The following ZSCAN32 variants were observed in gnomAD, a reference collection of about 807,000 sequenced individuals.
The protein encoded by ZSCAN32 is zinc finger and SCAN domain-containing protein 32.
Under a neutral mutation model 47.4 loss-of-function variants are expected in ZSCAN32, and 52 were observed. That is an observed-to-expected ratio of 1.10 (90% CI 0.88 to 1.38). ZSCAN32 has a LOEUF of 1.38. Ranked by LOEUF, ZSCAN32 falls within the 40% of genes most tolerant of loss-of-function variation. The pLI, the probability that ZSCAN32 is intolerant of heterozygous loss-of-function variation, is 0.00. For missense variants in ZSCAN32, 959 were observed against 846.0 expected (o/e 1.13, Z -1.66); for synonymous variants, 346 against 305.7 (o/e 1.13, Z -1.38).
chr16:3,390,085 A>C lies in ZSCAN32; in HGVS notation c.676T>G (p.Trp226Gly). ...CTTTGTGCAGGGCCTGGGCACATCCATTCTTGCTGACAGAGGGATACAGCT... is the reference window on the plus strand; with the variant it reads ...CTTTGTGCAGGGCCTGGGCACATCCCTTCTTGCTGACAGAGGGATACAGCT... ...NRAVSLCQQE[W>G]MCPGPAQRAL... The change falls in exon 5 of 7, where the codon TGG (tryptophan) becomes GGG (glycine). Residue 226 changes from tryptophan (W) to glycine (G), a missense_variant. Transcript: ENST00000396852. 1.2e-6 allele frequency: 2 copies of C among 1,613,946 alleles called. No individual in the cohort carries two copies. Among genetic ancestry groups the C allele is most frequent in the Non-Finnish European group, 1.7e-6 (2 of 1,179,948 alleles).
chr16:3,395,414 CCT>C (rs1471066327), intron 2 of ZSCAN32, among the ~76,000 whole-genome samples: 3 of 152,150 alleles, frequency 2.0e-5, no homozygotes, highest in Non-Finnish European at 2.9e-5. Context: ...GGGGCAGTTT[CCT>C]CCATGCTACT....
rs766999225 is a variant in ZSCAN32 at position 3,384,679 on chromosome 16, AAG to A, written c.1012_1013del (p.Leu338PhefsTer22). 11 of 1,614,202 alleles carry A rather than the reference AAG, an allele frequency of 6.8e-6. No homozygotes were observed. Among genetic ancestry groups the A allele is most frequent in the East Asian group, 2.2e-5 (1 of 44,886 alleles). The stretch of plus-strand genomic sequence containing the variant: ...GAGGTGCAGAGGCCCAGGAGCCTGA[AAG>A]AGCATTCATTTCCTCATAAAAGATA... ...PCIFYEEMNA[L>X]SGSWASAPPM... On this transcript the variant is annotated frameshift_variant, in exon 6 of 7. Transcript: ENST00000396852. LOFTEE classifies it high-confidence loss of function.
intron 1 of ZSCAN32, among the ~76,000 whole-genome samples, chr16:3,400,072 G>A (rs926280182): frequency 1.3e-5 from 2 of 152,148 alleles, no homozygotes; most frequent in African/African-American, 4.8e-5. Flanking sequence ...CTACTGAGCT[G>A]TACACTTAAA....
intron 2 of ZSCAN32, among the ~76,000 whole-genome samples, chr16:3,395,048 A>T (rs2033237456): frequency 6.6e-6 from 1 of 152,168 alleles, no homozygotes; most frequent in Admixed American, 6.5e-5. Flanking sequence ...TCCCCCATGG[A>T]CCGCGGGCTC....
At chr16:3,392,947 G>T (rs1225875374) in intron 3 of ZSCAN32, among the ~76,000 whole-genome samples, 1 of 150,922 alleles carries the variant, frequency 6.6e-6, no homozygotes, top group African/African-American at 2.4e-5. Context: ...AAGTTGGATG[G>T]GGAAGGGGAT....
At chr16:3,396,791 T>C (rs2033405342) in intron 2 of ZSCAN32, among the ~76,000 whole-genome samples, 1 of 152,310 alleles carries the variant, frequency 6.6e-6, no homozygotes, top group Admixed American at 6.5e-5. Context: ...CTGGCTCTAA[T>C]ATAATTTTGT....
chr16:3,400,561 T>G (rs577972054), intron 1 of ZSCAN32, among the ~76,000 whole-genome samples: 1 of 152,302 alleles, frequency 6.6e-6, no homozygotes, highest in East Asian at 1.9e-4. Flanking sequence ...GAAAAAAATG[T>G]AGCATGAGGA....
At chr16:3,386,921 CCT>C in intron 5 of ZSCAN32, among the ~76,000 whole-genome samples, 1 of 136,236 alleles carries the variant, frequency 7.3e-6, no homozygotes, top group East Asian at 2.2e-4. Flanking sequence ...TGCACATGTA[CCT>C]TAAAGCTTAA....
chr16:3,383,249 G>A lies in ZSCAN32; in HGVS notation c.1697C>T (p.Ala566Val). 2.5e-6 allele frequency: 4 copies of A among 1,614,082 alleles called. No homozygotes were observed. The highest frequency in any genetic ancestry group is 3.4e-6 in the Non-Finnish European group (4 of 1,179,954). The change falls in exon 7 of 7, where the codon GCC becomes GTC. Residue 566 changes from alanine to valine, a missense_variant. By Grantham distance (64) the Ala-to-Val change is moderately conservative. Transcript: ENST00000396852. ...KGFSERSNLT[A>V]HLRTHTGERP... ...CTCCCCTGTGTGAGTTCGTAGGTGG[G>A]CAGTGAGGTTGGAGCGCTCACTAAA...
Position 3,390,519 on chromosome 16 carries a change from T to A in ZSCAN32, c.533-2A>T. 1 of 1,548,298 alleles carries A rather than the reference T, an allele frequency of 6.5e-7. No homozygotes were observed. The highest frequency in any genetic ancestry group is 8.7e-7 in the Non-Finnish European group (1 of 1,146,720). ...TGGGAGCCTGAGGAGCAAGCCAGGCTGGGGGAAAAAACAGCCGCTATTAGA... is the reference window on the plus strand; with the variant it reads ...TGGGAGCCTGAGGAGCAAGCCAGGCAGGGGGAAAAAACAGCCGCTATTAGA... On this transcript the variant is annotated splice_acceptor_variant, in intron 3 of 6. Transcript: ENST00000396852. LOFTEE classifies it high-confidence loss of function.
intron 3 of ZSCAN32, among the ~76,000 whole-genome samples, chr16:3,391,205 C>T (rs1174448684): frequency 1.3e-5 from 2 of 152,138 alleles, no homozygotes; most frequent in Non-Finnish European, 1.5e-5. Flanking sequence ...CTGGGAAGAG[C>T]GGGAGCCTAG....
At chr16:3,391,168 C>T (rs1324665465) in intron 3 of ZSCAN32, among the ~76,000 whole-genome samples, 1 of 152,182 alleles carries the variant, frequency 6.6e-6, no homozygotes, top group Non-Finnish European at 1.5e-5. Context: ...GGTGACAACA[C>T]TCCAGATCTG....
intron 1 of ZSCAN32, among the ~76,000 whole-genome samples, chr16:3,399,755 A>C (rs1345126832): frequency 6.6e-6 from 1 of 151,088 alleles, no homozygotes; most frequent in African/African-American, 2.4e-5. Flanking sequence ...CTTAAAAATA[A>C]TTTTAAATAG....
chr16:3,397,094 G>C (rs1218688512), intron 2 of ZSCAN32, 98 bp downstream of exon 2: 1 of 1,415,444 alleles, frequency 7.1e-7, no homozygotes, highest in African/African-American at 1.4e-5. Context: ...GGGCAGCAGA[G>C]GGCTACTGTG....
chr16:3,394,095 G>A (rs898987914), intron 2 of ZSCAN32, among the ~76,000 whole-genome samples: 4 of 152,038 alleles, frequency 2.6e-5, no homozygotes, highest in Non-Finnish European at 5.9e-5. Flanking sequence ...AAGAAACCCC[G>A]TCTCTACTAA....
intron 5 of ZSCAN32, among the ~76,000 whole-genome samples, chr16:3,389,155 C>G (rs1300649098): frequency 1.3e-5 from 2 of 152,072 alleles, no homozygotes; most frequent in Non-Finnish European, 2.9e-5. Flanking sequence ...GGTGCAGAAG[C>G]CTGAAGCAGC....
chr16:3,397,507 A>T lies in ZSCAN32; in HGVS notation c.51T>A (p.Asp17Glu). 2 of 1,550,086 alleles carry T rather than the reference A, an allele frequency of 1.3e-6. No individual in the cohort carries two copies. Among genetic ancestry groups the T allele is most frequent in the East Asian group, 4.9e-5 (2 of 40,910 alleles). ...GGGCTGATTTCTGGCCCTGTGTGGG[A>T]TCCTTGTTTGAGGATGGGTGTGCCT... Reference protein sequence around the residue: ...STEAHPSSNKDPTQGQKSALQ... With the variant: ...STEAHPSSNKEPTQGQKSALQ... The change falls in exon 2 of 7, where the codon GAT (aspartate) becomes GAA (glutamate). Residue 17 changes from aspartate to glutamate, a missense_variant. Coordinates refer to ENST00000396852, the MANE Select transcript of ZSCAN32 (RefSeq NM_001284527.2).
intron 5 of ZSCAN32, among the ~76,000 whole-genome samples, chr16:3,388,628 T>C (rs564374096): frequency 6.6e-6 from 1 of 152,372 alleles, no homozygotes; most frequent in South Asian, 2.1e-4. Flanking sequence ...GTGGAAAGAA[T>C]GACTTGTCCT....
chr16:3,392,783 A>T (rs1199537863), intron 3 of ZSCAN32, among the ~76,000 whole-genome samples: 1 of 152,020 alleles, frequency 6.6e-6, no homozygotes, highest in East Asian at 1.9e-4. Context: ...CCAAGATCGC[A>T]TTACTGCACT....
Sources: gnomAD v4.1 joint callset for allele counts (sites outside exome capture counted in the v4.1 genomes callset) on GRCh38, gnomAD v4.1.1 for gene constraint, MANE v1.5 for transcripts, NCBI Gene and HGNC (gene_info 2026-07-23, HGNC 2026-07-21) for gene names.